Variants in PHACTR2 observed in about 807,000 individuals in gnomAD.
The protein encoded by PHACTR2 is chromosome 6 open reading frame 56.
In PHACTR2, 30 loss-of-function variants were observed where a neutral mutation model predicts 76.0. The observed-to-expected ratio is 0.39, with a 90% CI of 0.30 to 0.54. The LOEUF (loss-of-function observed/expected upper bound fraction) is 0.54, where lower values mean the gene tolerates loss of function less well. PHACTR2 is among the 20% of genes least tolerant of loss of function. The pLI, the probability that PHACTR2 is intolerant of heterozygous loss-of-function variation, is 0.61. For missense variants in PHACTR2, 696 were observed against 781.1 expected, an observed-to-expected ratio of 0.89 and a Z score of 1.30; for synonymous variants, 292 against 292.5, an observed-to-expected ratio of 1.00 and a Z score of 0.02.
rs990305300 is a variant in PHACTR2, at chr6:143,772,132, T to C, written c.1233-126T>C. The C allele has an allele frequency of 1.5e-4, 102 of 686,792 alleles. No individual in the cohort carries two copies. The highest frequency in any genetic ancestry group is 2.4e-4 in the Non-Finnish European group (92 of 379,506). 42.5% of individuals were successfully genotyped at this position (686,792 alleles called of 1,614,324 possible). A position where few individuals can be genotyped will look rare whatever the true frequency, so the allele number is the denominator to read the frequency against. On this transcript the variant is annotated intron_variant, in intron 6 of 12. Transcript: ENST00000440869. The surrounding 1 kb of genome is among the most constrained non-coding windows in gnomAD (Gnocchi z 5.4). ...ATTTCAGTGACTTTAGCCTGGCCTA[T>C]GTCAAGTGTCTGCTTTCCTCAGCCT...
chr6:143,557,283 G>T lies in PHACTR2; in HGVS notation c.217+20076G>T, dbSNP rs1282763350. The stretch of plus-strand genomic sequence containing the variant: ...CCTCATAACCTTTTGAATCCAGTGG[G>T]ACTTTTATTTGCCCCATTTCACAGA... On this transcript the variant is annotated intron_variant, in intron 1 of 11. Coordinates refer to the PHACTR2 transcript ENST00000367584. This position sits in a 1 kb window ranked among gnomAD's most constrained non-coding sequence, Gnocchi z 5.5. 1.3e-5 allele frequency among the ~76,000 whole-genome samples: 2 copies of T among 152,204 alleles called. No individual in the cohort carries two copies. The highest frequency in any genetic ancestry group is 4.8e-5 in the African/African-American group (2 of 41,440).
At chr6:143,778,414 A>G (rs1328068310) in intron 9 of PHACTR2, among the ~76,000 whole-genome samples, 1 of 152,064 alleles carries the variant, frequency 6.6e-6, no homozygotes, top group Non-Finnish European at 1.5e-5. Context: ...CCATCCAGTG[A>G]GAGGAACTAC....
At chr6:143,629,773 C>T (rs1159329994) in intron 1 of PHACTR2, among the ~76,000 whole-genome samples, 2 of 152,076 alleles carry the variant, frequency 1.3e-5, no homozygotes, top group Non-Finnish European at 2.9e-5. Flanking sequence ...TGCGCTCTTC[C>T]ATGATGAGAA....
chr6:143,716,195 T>C (rs1051078706), intron 2 of PHACTR2, among the ~76,000 whole-genome samples: 6 of 152,114 alleles, frequency 3.9e-5, no homozygotes, highest in African/African-American at 1.4e-4. Flanking sequence ...CACTACAAAA[T>C]GGCACAAGTT....
chr6:143,572,970 A>T (rs1775464329), intron 1 of PHACTR2, among the ~76,000 whole-genome samples: 1 of 152,284 alleles, frequency 6.6e-6, no homozygotes, highest in African/African-American at 2.4e-5. Context: ...TCAGATAAGA[A>T]TCCAAAATAA....
rs1380031789 is a variant in PHACTR2 at position 143,580,667 on chromosome 6, C to T, written c.217+43460C>T. Among the ~76,000 whole-genome samples the T allele has an allele frequency of 2.0e-5, 3 of 151,866 alleles. No individual in the cohort carries two copies. Among genetic ancestry groups the T allele is most frequent in the Non-Finnish European group, 4.4e-5 (3 of 67,982 alleles). ...CAGCCTGGGTGACAGAGCAAGACTC[C>T]GTCTCAAAAAATAAAATAAAATAAA... On this transcript the variant is annotated intron_variant, in intron 1 of 11. Transcript: ENST00000367584. This position sits in a 1 kb window ranked among gnomAD's most constrained non-coding sequence, Gnocchi z 4.2.
chr6:143,567,075 T>G (rs1775374121), intron 1 of PHACTR2, among the ~76,000 whole-genome samples: 1 of 152,164 alleles, frequency 6.6e-6, no homozygotes, highest in African/African-American at 2.4e-5. Flanking sequence ...CATCTACACG[T>G]CGCGCTCCTT....
chr6:143,607,407 A>G (rs1229086239), upstream of PHACTR2, among the ~76,000 whole-genome samples: 1 of 152,234 alleles, frequency 6.6e-6, no homozygotes, highest in Non-Finnish European at 1.5e-5. Context: ...TTTGAGAGTC[A>G]TCTTTACACA....
intron 2 of PHACTR2, among the ~76,000 whole-genome samples, chr6:143,714,762 G>A (rs921564329): frequency 3.3e-5 from 5 of 152,062 alleles, no homozygotes; most frequent in South Asian, 2.1e-4. Flanking sequence ...GAGGTCCCAC[G>A]TAAGCTCTAG....
intron 1 of PHACTR2, among the ~76,000 whole-genome samples, chr6:143,586,765 CT>C (rs1217201144): frequency 1.3e-5 from 2 of 152,214 alleles, no homozygotes; most frequent in Non-Finnish European, 2.9e-5. Context: ...TGCCATGGTA[CT>C]GGTAAACTGA....
intron 2 of PHACTR2, among the ~76,000 whole-genome samples, chr6:143,741,276 C>CTAAGGCAGGAGAA (rs1318565015): frequency 3.3e-5 from 3 of 91,212 alleles, no homozygotes; most frequent in African/African-American, 1.2e-4. Flanking sequence ...ACTCAGAAGG[C>CTAAGGCAGGAGAA]TGAGGCAGGA....
At chr6:143,768,192 C>A (rs1256329027) in intron 6 of PHACTR2, among the ~76,000 whole-genome samples, 2 of 152,160 alleles carry the variant, frequency 1.3e-5, no homozygotes, top group Admixed American at 6.6e-5. Context: ...TAGGAGCATT[C>A]TTAATACTTC....
chr6:143,807,035 A>C lies in PHACTR2; in HGVS notation c.1846-22A>C. The C allele has an allele frequency of 7.4e-7, 1 of 1,348,228 alleles. No individual in the cohort carries two copies. The highest frequency in any genetic ancestry group is 1.2e-5 in the South Asian group (1 of 84,122). The allele number at this position is 1,348,228 out of a possible 1,614,324, so 83.5% of individuals were successfully genotyped here. ...TATGACCTAAATAACAGTTCTGTTT[A>C]TCTATTTTTTTTCCTGTTTAGGCAG... is the stretch of plus-strand genomic sequence containing the variant. On this transcript the variant is annotated intron_variant, in intron 11 of 12. Transcript: ENST00000440869. This position sits in a 1 kb window ranked among gnomAD's most constrained non-coding sequence, Gnocchi z 5.5.
intron 2 of PHACTR2, among the ~76,000 whole-genome samples, chr6:143,725,562 C>T (rs988350108): frequency 4.6e-5 from 7 of 151,852 alleles, no homozygotes; most frequent in Non-Finnish European, 4.4e-5. Context: ...CTGGTCTGTT[C>T]TTCTTCACCA....
At position 143,696,305 on chromosome 6, in the gene PHACTR2, A is replaced by G. The variant is rs1028540714; in HGVS notation, c.47-15711A>G. Among the ~76,000 whole-genome samples, 3 of 152,192 alleles carry G rather than the reference A, an allele frequency of 2.0e-5. No homozygotes were observed. The highest frequency in any genetic ancestry group is 7.2e-5 in the African/African-American group (3 of 41,440). Reference sequence around the variant, plus strand: ...AGGTAACTGTTTTGGGTGGGTATACAGGAGTTTATTTATTTCAGGGGGCAT... The same window carrying G: ...AGGTAACTGTTTTGGGTGGGTATACGGGAGTTTATTTATTTCAGGGGGCAT... On this transcript the variant is annotated intron_variant, in intron 1 of 12. Coordinates refer to ENST00000440869, the MANE Select transcript of PHACTR2 (RefSeq NM_001100164.2). The surrounding 1 kb of genome is among the most constrained non-coding windows in gnomAD (Gnocchi z 4.1).
At chr6:143,737,990 T>C (rs1029500622) in intron 2 of PHACTR2, among the ~76,000 whole-genome samples, 1 of 152,260 alleles carries the variant, frequency 6.6e-6, no homozygotes, top group Non-Finnish European at 1.5e-5. Flanking sequence ...GTAATAAACA[T>C]GGATTTGGGG....
intron 9 of PHACTR2, among the ~76,000 whole-genome samples, chr6:143,778,258 C>G (rs1775332457): frequency 6.6e-6 from 1 of 152,158 alleles, no homozygotes; most frequent in African/African-American, 2.4e-5. Context: ...TCCTTGTCAG[C>G]CAGGCTTTTC....
chr6:143,576,643 G>A (rs967666893), intron 1 of PHACTR2, among the ~76,000 whole-genome samples: 4 of 152,136 alleles, frequency 2.6e-5, no homozygotes, highest in Non-Finnish European at 5.9e-5. Context: ...TTGGGAGGCA[G>A]AGGTGGGTGG....
In PHACTR2 at chr6:143,822,047, G is replaced by A. The variant is rs570645599; in HGVS notation, c.1923-1627G>A. On this transcript the variant is annotated intron_variant, in intron 12 of 12. Transcript: ENST00000440869. The surrounding 1 kb of genome is among the most constrained non-coding windows in gnomAD (Gnocchi z 5.5). The stretch of plus-strand genomic sequence containing the variant: ...AAAGTAGGTAGAGGAAAGGGCATTA[G>A]CGCAAAAGCCTTTTTGGGGCAAGTG... Among the ~76,000 whole-genome samples, 1 of 152,250 alleles carries A rather than the reference G, an allele frequency of 6.6e-6. No individual in the cohort carries two copies. The highest frequency in any genetic ancestry group is 6.5e-5 in the Admixed American group (1 of 15,300).
Sources: gnomAD v4.1 joint callset for allele counts (sites outside exome capture counted in the v4.1 genomes callset) on GRCh38, gnomAD v4.1.1 for gene constraint, Gnocchi (gnomAD v3.1) non-coding constraint, MANE v1.5 for transcripts, NCBI Gene and HGNC (gene_info 2026-07-23, HGNC 2026-07-21) for gene names.